Variants in MARCHF1 observed in about 807,000 individuals in gnomAD.
MARCHF1 encodes the protein E3 ubiquitin-protein ligase MARCHF1.
Under a neutral mutation model 54.2 loss-of-function variants are expected in MARCHF1, and 40 were observed. The ratio of observed to expected loss-of-function variants is 0.74; its 90% CI spans 0.57 to 0.96. The LOEUF is 0.96. Among genes scored for constraint, MARCHF1 ranks in the 40% least tolerant of loss-of-function variants. The pLI, the probability that MARCHF1 is intolerant of heterozygous loss-of-function variation, is 0.00. For synonymous variants in MARCHF1, 236 were observed against 236.3 expected, an observed-to-expected ratio of 1.00 and a Z score of 0.01; for missense variants, 586 against 656.5, an observed-to-expected ratio of 0.89 and a Z score of 1.17.
chr4:163,688,722 G>C (rs1378774982), intron 5 of MARCHF1, among the ~76,000 whole-genome samples: 2 of 152,060 alleles, frequency 1.3e-5, no homozygotes, highest in Non-Finnish European at 2.9e-5. Context: ...TGATTGCTAA[G>C]AGTATCAGTA....
intron 9 of MARCHF1, among the ~76,000 whole-genome samples, chr4:163,536,400 A>G (rs1465944407): frequency 6.6e-6 from 1 of 152,104 alleles, no homozygotes; most frequent in African/African-American, 2.4e-5. Flanking sequence ...CTATGTGTCT[A>G]CTTGTCCCAC....
intron 3 of MARCHF1, among the ~76,000 whole-genome samples, chr4:163,879,785 TAAAG>T (rs1287896041): frequency 1.4e-5 from 2 of 146,732 alleles, no homozygotes; most frequent in Non-Finnish European, 3.0e-5. Flanking sequence ...AATCATTTGT[TAAAG>T]AAAGGATTTA....
At chr4:163,902,988 C>G (rs1750974803) in intron 3 of MARCHF1, among the ~76,000 whole-genome samples, 1 of 152,082 alleles carries the variant, frequency 6.6e-6, no homozygotes, top group African/African-American at 2.4e-5. Context: ...CTTGCACTTC[C>G]AAATACACCT....
At chr4:163,594,502 A>G (rs1740694914) in intron 7 of MARCHF1, among the ~76,000 whole-genome samples, 1 of 152,016 alleles carries the variant, frequency 6.6e-6, no homozygotes, top group South Asian at 2.1e-4. Context: ...ATACACACAC[A>G]CACACAAACA....
At chr4:164,167,211 A>G (rs1730404824) in intron 1 of MARCHF1, among the ~76,000 whole-genome samples, 1 of 102,964 alleles carries the variant, frequency 9.7e-6, no homozygotes, top group Admixed American at 1.1e-4. Flanking sequence ...CTCAAAAAGC[A>G]AACAGTCTGT....
At chr4:164,214,089 A>G (rs1731860291) in intron 1 of MARCHF1, among the ~76,000 whole-genome samples, 1 of 152,216 alleles carries the variant, frequency 6.6e-6, no homozygotes, top group Non-Finnish European at 1.5e-5. Flanking sequence ...AAAATTTTAA[A>G]ACGTCCATGT....
intron 3 of MARCHF1, among the ~76,000 whole-genome samples, chr4:163,902,383 A>C (rs921952820): frequency 1.3e-5 from 2 of 152,216 alleles, no homozygotes; most frequent in Non-Finnish European, 2.9e-5. Flanking sequence ...AGAGAATGCT[A>C]TCTCTGGCTC....
At chr4:164,088,274 G>A (rs185178747) in intron 2 of MARCHF1, among the ~76,000 whole-genome samples, 7 of 152,238 alleles carry the variant, frequency 4.6e-5, no homozygotes, top group Non-Finnish European at 4.4e-5. Flanking sequence ...GGCGTTCAAA[G>A]GTTCCCATGA....
At chr4:163,811,625 G>A (rs898602360) in intron 4 of MARCHF1, among the ~76,000 whole-genome samples, 2 of 152,156 alleles carry the variant, frequency 1.3e-5, no homozygotes, top group African/African-American at 4.8e-5. Flanking sequence ...TATGTTGGCA[G>A]GAAGATGGAA....
chr4:164,328,576 C>CTGGA (rs1735344234), intron 1 of MARCHF1, among the ~76,000 whole-genome samples: 1 of 151,672 alleles, frequency 6.6e-6, no homozygotes, highest in Non-Finnish European at 1.5e-5. Flanking sequence ...GTTGCCCAGG[C>CTGGA]TGGAGTGCAA....
chr4:164,141,742 G>T (rs151274856), intron 1 of MARCHF1, among the ~76,000 whole-genome samples: 2 of 152,118 alleles, frequency 1.3e-5, no homozygotes, highest in Admixed American at 1.3e-4. Flanking sequence ...AATAACCCTG[G>T]TGCCCCAAAT....
chr4:164,062,815 C>T (rs541067231), intron 2 of MARCHF1, among the ~76,000 whole-genome samples: 7 of 152,256 alleles, frequency 4.6e-5, no homozygotes, highest in East Asian at 1.9e-4. Flanking sequence ...TGAGTCACCA[C>T]GCCAGGCCAA....
intron 8 of MARCHF1, among the ~76,000 whole-genome samples, chr4:163,580,053 G>T (rs1216375554): frequency 7.6e-6 from 1 of 131,482 alleles, no homozygotes; most frequent in Non-Finnish European, 1.7e-5. Context: ...CTTTTGTAGA[G>T]CCTTATTTAT....
At chr4:163,775,027 C>T (rs1310867747) in intron 4 of MARCHF1, among the ~76,000 whole-genome samples, 1 of 152,098 alleles carries the variant, frequency 6.6e-6, no homozygotes, top group East Asian at 1.9e-4. Context: ...TCCCCTCTCT[C>T]AAAGACATCC....
At chr4:163,575,187 C>T (rs1739995176) in intron 8 of MARCHF1, among the ~76,000 whole-genome samples, 1 of 151,882 alleles carries the variant, frequency 6.6e-6, no homozygotes, top group South Asian at 2.1e-4. Context: ...ATGTAGATGG[C>T]TCTTATTATT....
chr4:163,593,219 A>G (rs1740649957), intron 7 of MARCHF1, among the ~76,000 whole-genome samples: 2 of 152,196 alleles, frequency 1.3e-5, no homozygotes, highest in East Asian at 1.9e-4. Context: ...CTACATTTGC[A>G]TATGTCATAA....
chr4:163,549,246 A>G (rs1349059448), intron 8 of MARCHF1, among the ~76,000 whole-genome samples: 1 of 152,056 alleles, frequency 6.6e-6, no homozygotes, highest in Non-Finnish European at 1.5e-5. Flanking sequence ...CATGCCCCCT[A>G]GAAAATACAA....
intron 1 of MARCHF1, among the ~76,000 whole-genome samples, chr4:164,134,348 T>C (rs1469984987): frequency 1.3e-5 from 2 of 152,208 alleles, no homozygotes; most frequent in Non-Finnish European, 2.9e-5. Flanking sequence ...CTCATTTAAA[T>C]TTCTGTTGGC....
intron 1 of MARCHF1, among the ~76,000 whole-genome samples, chr4:164,233,026 G>A (rs1396843125): frequency 6.6e-6 from 1 of 152,058 alleles, no homozygotes; most frequent in South Asian, 2.1e-4. Context: ...CCATCTGCAG[G>A]CTCAGCTCTG....
Sources: gnomAD v4.1 joint callset for allele counts (sites outside exome capture counted in the v4.1 genomes callset) on GRCh38, gnomAD v4.1.1 for gene constraint, MANE v1.5 for transcripts, NCBI Gene and HGNC (gene_info 2026-07-23, HGNC 2026-07-21) for gene names.